Variants in SGF29 observed in about 807,000 individuals in gnomAD.
SGF29 encodes SAGA complex associated factor 29.
Under a neutral mutation model 38.1 loss-of-function variants are expected in SGF29, and 15 were observed. That is an observed-to-expected ratio of 0.39 (90% confidence interval 0.26 to 0.61). The LOEUF (loss-of-function observed/expected upper bound fraction) is 0.61. Ranked by LOEUF, SGF29 falls within the 20% of genes least tolerant of loss-of-function variation. The pLI is 0.49. For missense variants in SGF29, 184 were observed against 394.6 expected (o/e 0.47, Z 4.52); for synonymous variants, 151 against 160.8 (o/e 0.94, Z 0.46).
chr16:28,584,436 C>T (rs2046943266), intron 2 of SGF29, among the ~76,000 whole-genome samples: 1 of 150,370 alleles, frequency 6.7e-6, no homozygotes, highest in Non-Finnish European at 1.5e-5. Flanking sequence ...AGGTGGATCA[C>T]GAGGTCAGGA....
chr16:28,570,541 A>T (rs963303352), intron 1 of SGF29, among the ~76,000 whole-genome samples: 2 of 138,456 alleles, frequency 1.4e-5, no homozygotes, highest in African/African-American at 2.6e-5. Context: ...TGATTTTTTT[A>T]AATTTTATTT....
At chr16:28,565,416 TCCAGGAGCTG>T (rs2046830257) in intron 1 of SGF29, among the ~76,000 whole-genome samples, 1 of 152,098 alleles carries the variant, frequency 6.6e-6, no homozygotes, top group Admixed American at 6.6e-5. Context: ...AGCAGAAAGG[TCCAGGAGCTG>T]CCAGGAGCTC....
chr16:28,580,263 G>A (rs1290072895), intron 1 of SGF29, among the ~76,000 whole-genome samples: 1 of 152,156 alleles, frequency 6.6e-6, no homozygotes, highest in Non-Finnish European at 1.5e-5. Flanking sequence ...TCCAAGGATA[G>A]CTTGCCACTG....
intron 1 of SGF29, among the ~76,000 whole-genome samples, chr16:28,577,875 AG>A (rs2046903770): frequency 6.6e-6 from 1 of 152,194 alleles, no homozygotes; most frequent in African/African-American, 2.4e-5. Context: ...TTTGTTGAAA[AG>A]ATTATTCTTT....
At chr16:28,586,447 C>T (rs1283168330) in intron 4 of SGF29, among the ~76,000 whole-genome samples, 1 of 148,320 alleles carries the variant, frequency 6.7e-6, no homozygotes, top group East Asian at 2.0e-4. Context: ...GCGGAGGTTG[C>T]AGTGAGCTAA....
chr16:28,580,985 T>A (rs2046921609), intron 1 of SGF29, 70 bp from the exon 2 acceptor site: 6 of 1,177,252 alleles, frequency 5.1e-6, no homozygotes, highest in Non-Finnish European at 7.5e-6. Context: ...TAATGTATCT[T>A]TTGAGGGGGC....
intron 1 of SGF29, among the ~76,000 whole-genome samples, chr16:28,561,705 T>C (rs1022042741): frequency 3.9e-5 from 6 of 152,174 alleles, no homozygotes; most frequent in Admixed American, 1.3e-4. Context: ...TTGCTGAGCC[T>C]CTCAGGGTTT....
At chr16:28,585,788 G>C in intron 4 of SGF29, 68 bp downstream of exon 4, 1 of 1,447,006 alleles carries the variant, frequency 6.9e-7, no homozygotes, top group Non-Finnish European at 9.7e-7. Context: ...AGGTCCATTT[G>C]GACCAAGTCC....
rs963099296 is a variant in SGF29, at chr16:28,553,984, A to G, written c.-129A>G. 2.0e-5 allele frequency: 3 copies of G among 152,288 alleles called. No individual in the cohort carries two copies. In the South Asian group the frequency reaches 6.2e-4, roughly 32 times the overall value. 9.4% of individuals were successfully genotyped at this position (152,288 alleles called of 1,614,324 possible). On this transcript the variant is annotated 5_prime_UTR_variant, in exon 1 of 10. Transcript: ENST00000317058. ...GTGTGCGGTTCTCGACGTGCCGCCA[A>G]TCTTCGAACGCAGGTCTGTGATCAT...
At chr16:28,563,933 GAC>G (rs2046805005) in intron 1 of SGF29, among the ~76,000 whole-genome samples, 1 of 152,096 alleles carries the variant, frequency 6.6e-6, no homozygotes, top group Non-Finnish European at 1.5e-5. Context: ...TTTTAGTAGA[GAC>G]AGGGTTTTGC....
chr16:28,563,320 T>C (rs1277207750), intron 1 of SGF29, among the ~76,000 whole-genome samples: 1 of 152,154 alleles, frequency 6.6e-6, no homozygotes, highest in East Asian at 1.9e-4. Context: ...CACAGTTAGA[T>C]GGTCCACTTT....
intron 1 of SGF29, among the ~76,000 whole-genome samples, chr16:28,564,557 A>ATATACACG (rs1275873451): frequency 7.4e-6 from 1 of 135,220 alleles, no homozygotes; most frequent in African/African-American, 2.7e-5. Flanking sequence ...ATACGTATAT[A>ATATACACG]TATATATACG....
In SGF29 at chr16:28,591,571, C is replaced by G. The variant is rs2046991615; in HGVS notation, c.766-19C>G. On this transcript the variant is annotated intron_variant, in intron 9 of 9. Transcript: ENST00000317058. ...CCTGGGGGTCTCTGAGCAGCCCCTC[C>G]TGTCTGCCTGCCCCACAGCCCCAGG... 1 of 1,572,242 alleles carries G rather than the reference C, an allele frequency of 6.4e-7. No homozygotes were observed. Among genetic ancestry groups the G allele is most frequent in the African/African-American group, 1.3e-5 (1 of 74,202 alleles).
intron 1 of SGF29, among the ~76,000 whole-genome samples, chr16:28,575,357 A>G (rs1298440413): frequency 6.6e-6 from 1 of 152,246 alleles, no homozygotes; most frequent in East Asian, 1.9e-4. Flanking sequence ...TCTTCATAAA[A>G]ATTAAAAACA....
At chr16:28,582,560 T>C (rs2046932386) in intron 2 of SGF29, among the ~76,000 whole-genome samples, 1 of 152,194 alleles carries the variant, frequency 6.6e-6, no homozygotes, top group Non-Finnish European at 1.5e-5. Flanking sequence ...AGAGCAGGTA[T>C]ACATACAGGA....
rs1324057961 is a variant in SGF29, at chr16:28,585,644, G to A, written c.152-4G>A. 1 of 1,614,010 alleles carries A rather than the reference G, an allele frequency of 6.2e-7. No homozygotes were observed. The highest frequency in any genetic ancestry group is 8.5e-7 in the Non-Finnish European group (1 of 1,179,878). On this transcript the variant is annotated splice_region_variant and splice_polypyrimidine_tract_variant and intron_variant, in intron 3 of 9. Coordinates refer to ENST00000317058, the MANE Select transcript of SGF29 (RefSeq NM_138414.3). ...GCCTCCTTATCCCTGTGTTTCCTCT[G>A]CAGTTTCTCCCTATTACCGGACAAA...
chr16:28,564,552 T>TATATATATATAC (rs2046811989), intron 1 of SGF29, among the ~76,000 whole-genome samples: 2 of 33,968 alleles, frequency 5.9e-5, no homozygotes, highest in Admixed American at 3.5e-4. Context: ...TATATATACG[T>TATATATATATAC]ATATATATAT....
At chr16:28,576,677 G>A (rs978061461) in intron 1 of SGF29, among the ~76,000 whole-genome samples, 1 of 151,974 alleles carries the variant, frequency 6.6e-6, no homozygotes, top group African/African-American at 2.4e-5. Context: ...TCCAAGTTGG[G>A]CAACAAGGCT....
At chr16:28,574,349 G>A (rs1212778103) in intron 1 of SGF29, among the ~76,000 whole-genome samples, 2 of 152,152 alleles carry the variant, frequency 1.3e-5, no homozygotes, top group African/African-American at 4.8e-5. Flanking sequence ...CTTGGGAGGT[G>A]GGCACATACA....
Sources: allele counts gnomAD v4.1 joint callset (sites outside exome capture counted in the v4.1 genomes callset), GRCh38; gene constraint gnomAD v4.1.1; transcripts MANE v1.5; gene names NCBI Gene and HGNC (gene_info 2026-07-23, HGNC 2026-07-21).